The following NTAQ1 variants were observed in gnomAD, a reference collection of about 807,000 sequenced individuals.
NTAQ1 encodes protein N-terminal glutamine amidohydrolase.
A neutral mutation model predicts 28.2 loss-of-function variants in NTAQ1; 21 were observed. The observed-to-expected ratio is 0.74, with a 90% CI of 0.53 to 1.07. The LOEUF (loss-of-function observed/expected upper bound fraction) is 1.07. Among genes scored for constraint, NTAQ1 ranks in the 50% least tolerant of loss-of-function variants. The pLI, the probability that NTAQ1 is intolerant of heterozygous loss-of-function variation, is 0.00. For missense variants in NTAQ1, 264 were observed against 256.6 expected, an observed-to-expected ratio of 1.03 and a Z score of -0.20; for synonymous variants, 105 against 90.0, an observed-to-expected ratio of 1.17 and a Z score of -0.94.
chr8:123,437,185 T>A, intron 4 of NTAQ1, 25 bp from the exon 5 acceptor site: 2 of 1,612,598 alleles, frequency 1.2e-6, no homozygotes, highest in Non-Finnish European at 1.7e-6. Context: ...CTCCCTAATG[T>A]GAGTGTATAT....
chr8:123,466,268 C>A (rs943374890), intron 6 of NTAQ1, among the ~76,000 whole-genome samples: 3 of 152,144 alleles, frequency 2.0e-5, no homozygotes, highest in Admixed American at 2.0e-4. Flanking sequence ...TACAACTGTG[C>A]CACTCAGAAG....
chr8:123,441,334 C>T lies in NTAQ1; in HGVS notation c.537C>T (p.Ile179=), dbSNP rs1490253196. The T allele has an allele frequency of 6.2e-7, 1 of 1,611,444 alleles. No individual in the cohort carries two copies. The part of the protein sequence containing the change: ...GDSKMNLNDF[I]SMDPKVGWGA... Reference sequence around the variant, plus strand: ...CCAAAATGAACCTGAACGATTTCATCAGTATGGATCCCAAGGTAGGATGGG... The same window carrying T: ...CCAAAATGAACCTGAACGATTTCATTAGTATGGATCCCAAGGTAGGATGGG... The change falls in exon 6 of 6, where the codon ATC becomes ATT. Residue 179 remains isoleucine, a synonymous_variant. Coordinates refer to ENST00000287387, the MANE Select transcript of NTAQ1 (RefSeq NM_018024.3).
intron 6 of NTAQ1, among the ~76,000 whole-genome samples, chr8:123,458,494 G>A (rs1239733173): frequency 6.6e-6 from 1 of 152,004 alleles, no homozygotes; most frequent in African/African-American, 2.4e-5. Context: ...TCAGGGGTGT[G>A]TTTCTGTGGC....
downstream of NTAQ1, among the ~76,000 whole-genome samples, chr8:123,472,059 G>A (rs950547191): frequency 4.1e-4 from 63 of 152,136 alleles, 1 homozygote; most frequent in Non-Finnish European, 1.2e-4. Context: ...TTTGATAGGG[G>A]TCTTACCCCA....
intron 1 of NTAQ1, among the ~76,000 whole-genome samples, chr8:123,420,344 C>T (rs10956126): frequency 0.66 from 100,343 of 152,042 alleles, 33,825 homozygotes; most frequent in East Asian, 0.93. Context: ...GTTGATTCTA[C>T]ATCTTTGCTA....
intron 6 of NTAQ1, among the ~76,000 whole-genome samples, chr8:123,465,620 C>T (rs1320749377): frequency 1.8e-5 from 2 of 109,442 alleles, no homozygotes; most frequent in Non-Finnish European, 3.4e-5. Flanking sequence ...CTTGCTCTGT[C>T]ACTCAGGCTG....
chr8:123,431,205 C>T (rs773399581), intron 3 of NTAQ1, among the ~76,000 whole-genome samples: 4 of 151,898 alleles, frequency 2.6e-5, no homozygotes, highest in East Asian at 1.9e-4. Context: ...GGTGTGATGG[C>T]GTGTGCCTGT....
At chr8:123,453,310 C>A (rs1249774860) in intron 6 of NTAQ1, among the ~76,000 whole-genome samples, 1 of 152,198 alleles carries the variant, frequency 6.6e-6, no homozygotes, top group Non-Finnish European at 1.5e-5. Flanking sequence ...AGTCACTTAA[C>A]CTCTCTGGGC....
chr8:123,429,829 C>G (rs1814283629), intron 2 of NTAQ1, among the ~76,000 whole-genome samples, 154 bp from the exon 3 acceptor site: 1 of 136,464 alleles, frequency 7.3e-6, no homozygotes, highest in Admixed American at 8.4e-5. Context: ...GCAGTAAGCC[C>G]AGATTGTGCC....
chr8:123,463,506 CTAT>C (rs1815889038), intron 6 of NTAQ1, among the ~76,000 whole-genome samples: 1 of 152,116 alleles, frequency 6.6e-6, no homozygotes, highest in South Asian at 2.1e-4. Context: ...TTGTTTATTC[CTAT>C]TATAAGTATA....
chr8:123,438,034 G>T, intron 5 of NTAQ1: 1 of 619,030 alleles, frequency 1.6e-6, no homozygotes, highest in Non-Finnish European at 2.9e-6. Context: ...TCCTTATGAT[G>T]TGTGAAATGT....
downstream of NTAQ1, among the ~76,000 whole-genome samples, chr8:123,449,950 C>G (rs765668134): frequency 2.3e-5 from 1 of 42,876 alleles, no homozygotes; most frequent in Admixed American, 4.0e-4. Flanking sequence ...TGTGTGTGTG[C>G]ATATATATAT....
intron 6 of NTAQ1, among the ~76,000 whole-genome samples, chr8:123,457,845 C>G (rs1415294798): frequency 6.6e-6 from 1 of 151,420 alleles, no homozygotes. Flanking sequence ...ACCAGCCTGA[C>G]CAATATGGTG....
At chr8:123,439,176 C>T (rs1305708545) in intron 5 of NTAQ1, among the ~76,000 whole-genome samples, 2 of 152,002 alleles carry the variant, frequency 1.3e-5, no homozygotes. Flanking sequence ...CACTGCCAGC[C>T]CAATTTTCTT....
chr8:123,442,693 G>C (rs988347889), downstream of NTAQ1, among the ~76,000 whole-genome samples: 1 of 151,610 alleles, frequency 6.6e-6, no homozygotes, highest in Admixed American at 6.6e-5. Context: ...TTTAGAGACA[G>C]AGTCTTGCTC....
chr8:123,446,549 CCTT>C (rs1231815203), downstream of NTAQ1, among the ~76,000 whole-genome samples: 9 of 130,892 alleles, frequency 6.9e-5, no homozygotes, highest in Non-Finnish European at 3.3e-5. Context: ...AGAGCTTTTT[CCTT>C]CTTTCTTCTC....
Position 123,427,988 on chromosome 8 carries a change from T to C in NTAQ1, c.148T>C (p.Cys50Arg). ...KNHDQYPLEECYAVFISNERK... is the reference protein window; with the variant it reads ...KNHDQYPLEERYAVFISNERK... Reference sequence around the variant, plus strand: ...CCATGACCAGTATCCTTTAGAAGAATGTTATGCTGTCTTCATATCTAATGA... The same window carrying C: ...CCATGACCAGTATCCTTTAGAAGAACGTTATGCTGTCTTCATATCTAATGA... Residue 50 changes from cysteine (C) to arginine (R), a missense_variant, in exon 2 of 6, where the codon TGT becomes CGT. Transcript: ENST00000287387. 2 of 1,611,316 alleles carry C rather than the reference T, an allele frequency of 1.2e-6. No homozygotes were observed. Among genetic ancestry groups the C allele is most frequent in the Non-Finnish European group, 1.7e-6 (2 of 1,179,228 alleles).
chr8:123,448,155 C>G (rs913439298), downstream of NTAQ1: 1 of 152,170 alleles, frequency 6.6e-6, no homozygotes, highest in African/African-American at 2.4e-5. Flanking sequence ...GCATGCCTGC[C>G]TAAATAGTAT....
intron 6 of NTAQ1, among the ~76,000 whole-genome samples, chr8:123,463,702 T>G (rs928025094): frequency 1.3e-5 from 2 of 151,380 alleles, no homozygotes; most frequent in East Asian, 1.9e-4. Context: ...ATTGGGGGAG[T>G]GTTTGGGGCT....
Sources: gnomAD v4.1 joint callset for allele counts (sites outside exome capture counted in the v4.1 genomes callset) on GRCh38, gnomAD v4.1.1 for gene constraint, MANE v1.5 for transcripts, NCBI Gene and HGNC (gene_info 2026-07-23, HGNC 2026-07-21) for gene names.